SLC35F4: variants seen among roughly 807,000 people sequenced by gnomAD.
SLC35F4 encodes the protein solute carrier family 35 member F4, also known as chromosome 14 open reading frame 36.
In SLC35F4, 24 loss-of-function variants were observed where a neutral mutation model predicts 44.2. The observed-to-expected ratio is 0.54, with a 90% CI of 0.39 to 0.76. The LOEUF is 0.76. Among genes scored for constraint, SLC35F4 ranks in the 30% least tolerant of loss-of-function variants. SLC35F4 has a pLI of 0.00. For synonymous variants in SLC35F4, 238 were observed against 223.6 expected (o/e 1.06, Z -0.57); for missense variants, 562 against 586.1 (o/e 0.96, Z 0.42).
chr14:57,900,366 G>C (rs141670609), intron 1 of SLC35F4, among the ~76,000 whole-genome samples: 344 of 152,304 alleles, frequency 2.3e-3, no homozygotes, highest in Non-Finnish European at 4.0e-3. Context: ...ACTGGAGTCA[G>C]AGGGTGGAGT....
chr14:57,865,822 C>T lies in SLC35F4; in HGVS notation c.4G>A (p.Asp2Asn), dbSNP rs1460490240. 6.6e-7 allele frequency: 1 copy of T among 1,507,488 alleles called. No individual in the cohort carries two copies. Among genetic ancestry groups the T allele is most frequent in the South Asian group, 1.2e-5 (1 of 80,514 alleles). The allele number at this position is 1,507,488 out of a possible 1,614,324, so 93.4% of individuals were successfully genotyped here. A position where few individuals can be genotyped will look rare whatever the true frequency, so the allele number is the denominator to read the frequency against. The part of the protein sequence containing the change: M[D>N]VKAAPNGVAT... ...ACCCCGTTGGGGGCCGCCTTGACAT[C>T]CATAGAGAGCGCGGGGCGACGGCCC... The change falls in exon 1 of 8, where the codon GAT (aspartate) becomes AAT (asparagine). Residue 2 changes from aspartate to asparagine, a missense_variant. By Grantham distance (23) the Asp-to-Asn change is conservative. Transcript: ENST00000556826.
At chr14:57,912,853 T>C (rs1202588089) in intron 1 of SLC35F4, among the ~76,000 whole-genome samples, 6 of 152,104 alleles carry the variant, frequency 3.9e-5, no homozygotes, top group African/African-American at 7.2e-5. Flanking sequence ...TGTCCATTTC[T>C]GATGAATATT....
Position 57,709,906 on chromosome 14 carries a change from A to G in SLC35F4, c.104-115782T>C, listed in dbSNP as rs550575645. On this transcript the variant is annotated intron_variant, in intron 1 of 7. Transcript: ENST00000556826. ...AGGGAAGCAGAACATAAATGTTTGGAGAATTTACAGCCTGATTATGCAATA... is the reference window on the plus strand; with the variant it reads ...AGGGAAGCAGAACATAAATGTTTGGGGAATTTACAGCCTGATTATGCAATA... Among the ~76,000 whole-genome samples, 3 of 152,338 alleles carry G rather than the reference A, an allele frequency of 2.0e-5. No homozygotes were observed. The South Asian group carries it at 6.2e-4, about 32-fold the overall frequency.
intron 1 of SLC35F4, among the ~76,000 whole-genome samples, chr14:57,946,839 A>C (rs1032482514): frequency 1.3e-5 from 2 of 152,068 alleles, no homozygotes; most frequent in African/African-American, 4.8e-5. Context: ...TTTTTATACC[A>C]GTACCAGGCT....
intron 1 of SLC35F4, among the ~76,000 whole-genome samples, chr14:57,897,072 A>G (rs1422125643): frequency 6.6e-6 from 1 of 152,184 alleles, no homozygotes; most frequent in Non-Finnish European, 1.5e-5. Context: ...ATACACATAC[A>G]TAGTCACCTA....
chr14:57,943,134 C>T (rs964637334), intron 1 of SLC35F4, among the ~76,000 whole-genome samples: 2 of 152,222 alleles, frequency 1.3e-5, no homozygotes, highest in African/African-American at 2.4e-5. Context: ...CTGAAGAGAT[C>T]TGGGCCGTAT....
At chr14:57,949,273 T>C (rs1890091790) in intron 1 of SLC35F4, among the ~76,000 whole-genome samples, 1 of 152,220 alleles carries the variant, frequency 6.6e-6, no homozygotes, top group African/African-American at 2.4e-5. Flanking sequence ...CTTTTGTCTT[T>C]ATATAATGTT....
rs545040090 is a variant in SLC35F4, at chr14:57,859,942, A to T, written c.103+5781T>A. Among the ~76,000 whole-genome samples the T allele has an allele frequency of 1.5e-4, 23 of 152,316 alleles. 1 individual carries two copies. The East Asian group carries it at 3.9e-3, about 26-fold the overall frequency. On this transcript the variant is annotated intron_variant, in intron 1 of 7. Coordinates refer to ENST00000556826, the MANE Select transcript of SLC35F4 (RefSeq NM_001306087.2). ...TGATGATTTTGGTTTTATGTGTGACATGACTGGAGGACATTCAGGTAGAAT... is the reference window on the plus strand; with the variant it reads ...TGATGATTTTGGTTTTATGTGTGACTTGACTGGAGGACATTCAGGTAGAAT...
intron 1 of SLC35F4, among the ~76,000 whole-genome samples, chr14:57,916,761 A>G (rs1288169364): frequency 1.3e-5 from 2 of 152,192 alleles, no homozygotes; most frequent in Non-Finnish European, 2.9e-5. Flanking sequence ...CCCAAACCTT[A>G]GCATCATGTA....
rs148166604 is a variant in SLC35F4 at position 57,817,985 on chromosome 14, C to A, written c.103+47738G>T. ...ATGCACAGGTGAGAGGCATACCAGA[C>A]CCACTGAGAAGCTAGGCAATGGCTG... On this transcript the variant is annotated intron_variant, in intron 1 of 7. Coordinates refer to ENST00000556826, the MANE Select transcript of SLC35F4 (RefSeq NM_001306087.2). Among the ~76,000 whole-genome samples the A allele has an allele frequency of 2.2e-3, 333 of 152,230 alleles. 4 individuals carry two copies. Among genetic ancestry groups the A allele is most frequent in the African/African-American group, 7.8e-3 (322 of 41,542 alleles).
chr14:57,949,693 T>C (rs1490981134), intron 1 of SLC35F4, among the ~76,000 whole-genome samples: 1 of 152,210 alleles, frequency 6.6e-6, no homozygotes, highest in Admixed American at 6.5e-5. Flanking sequence ...TGGAACTTCT[T>C]TTAGCATTTC....
intron 1 of SLC35F4, among the ~76,000 whole-genome samples, chr14:57,786,906 C>A (rs1469226817): frequency 1.3e-5 from 2 of 152,224 alleles, no homozygotes; most frequent in Middle Eastern, 6.8e-3. Context: ...GGACCCAAAC[C>A]AAGAAGAGAT....
chr14:57,705,301 A>T (rs1040006655), intron 1 of SLC35F4, among the ~76,000 whole-genome samples: 3 of 152,150 alleles, frequency 2.0e-5, no homozygotes, highest in Admixed American at 1.3e-4. Flanking sequence ...ATATATGGTA[A>T]GTCCTTAATT....
intron 1 of SLC35F4, among the ~76,000 whole-genome samples, chr14:57,709,283 A>G (rs1053420689): frequency 2.0e-5 from 3 of 152,120 alleles, no homozygotes; most frequent in Admixed American, 6.5e-5. Flanking sequence ...AGATGCTGGC[A>G]TTACCGCTAG....
intron 1 of SLC35F4, among the ~76,000 whole-genome samples, chr14:57,763,250 A>G (rs1350307787): frequency 2.6e-5 from 4 of 152,144 alleles, no homozygotes; most frequent in Admixed American, 6.6e-5. Flanking sequence ...GCCAATATCA[A>G]TATACTCAGC....
At chr14:57,946,737 C>T (rs1195697396) in intron 1 of SLC35F4, among the ~76,000 whole-genome samples, 5 of 151,850 alleles carry the variant, frequency 3.3e-5, no homozygotes, top group Non-Finnish European at 7.4e-5. Context: ...TGGCCTCTCA[C>T]AGTGCTGGGA....
chr14:57,748,441 G>T (rs895695077), intron 1 of SLC35F4, among the ~76,000 whole-genome samples: 2 of 152,002 alleles, frequency 1.3e-5, no homozygotes, highest in African/African-American at 4.8e-5. Context: ...TTTTTTAAAG[G>T]TATGATTCAG....
At chr14:57,941,303 T>C (rs73304466) in intron 1 of SLC35F4, among the ~76,000 whole-genome samples, 6,718 of 152,212 alleles carry the variant, frequency 0.044, 477 homozygotes, top group African/African-American at 0.15. Flanking sequence ...CATTAATGGA[T>C]AAATGGCTAA....
intron 1 of SLC35F4, among the ~76,000 whole-genome samples, chr14:57,777,337 T>C (rs961971899): frequency 1.3e-5 from 2 of 152,250 alleles, no homozygotes; most frequent in African/African-American, 2.4e-5. Flanking sequence ...TGTATGTTTA[T>C]TGTAGCACTA....
Sources: allele counts gnomAD v4.1 joint callset (sites outside exome capture counted in the v4.1 genomes callset), GRCh38; gene constraint gnomAD v4.1.1; transcripts MANE v1.5; gene names NCBI Gene and HGNC (gene_info 2026-07-23, HGNC 2026-07-21).